NRXN3: variants seen among roughly 807,000 people sequenced by gnomAD.
The protein encoded by NRXN3 is neurexin 3.
In NRXN3, 32 loss-of-function variants were observed where a neutral mutation model predicts 137.6. That is an observed-to-expected ratio of 0.23 (90% CI 0.18 to 0.31). The LOEUF is 0.31. Among genes scored for constraint, NRXN3 ranks in the 10% least tolerant of loss-of-function variants. The probability of loss-of-function intolerance (pLI) is 1.00; values close to 1 mark genes in which losing one functional copy is unlikely to be tolerated. For synonymous variants in NRXN3, 798 were observed against 784.5 expected, an observed-to-expected ratio of 1.02 and a Z score of -0.29; for missense variants, 1,574 against 2,062.5, an observed-to-expected ratio of 0.76 and a Z score of 4.59.
intron 15 of NRXN3, among the ~76,000 whole-genome samples, chr14:79,341,798 C>G (rs1052199608): frequency 6.6e-6 from 1 of 152,126 alleles, no homozygotes; most frequent in Non-Finnish European, 1.5e-5. Flanking sequence ...AAAAGGAAGT[C>G]TGATTAAATG....
chr14:78,204,043 CT>C (rs2061952908), intron 1 of NRXN3, among the ~76,000 whole-genome samples: 1 of 151,912 alleles, frequency 6.6e-6, no homozygotes, highest in Non-Finnish European at 1.5e-5. Flanking sequence ...GTATAAAGTA[CT>C]CCATTACAGA....
In NRXN3 at chr14:78,261,225, G is replaced by C. The variant is rs1234656373; in HGVS notation, c.710-17420G>C. Among the ~76,000 whole-genome samples the C allele has an allele frequency of 3.9e-5, 6 of 152,284 alleles. No individual in the cohort carries two copies. The East Asian group carries it at 1.2e-3, about 29-fold the overall frequency. On this transcript the variant is annotated intron_variant, in intron 2 of 20. Transcript: ENST00000335750. ...CCTTGTCCTCGGCTGGCCCAGCTGGGGGGTCTCTAGCATGCAAAGACACTG... is the reference window on the plus strand; with the variant it reads ...CCTTGTCCTCGGCTGGCCCAGCTGGCGGGTCTCTAGCATGCAAAGACACTG...
chr14:79,499,608 A>C (rs2096799615), intron 16 of NRXN3, among the ~76,000 whole-genome samples: 1 of 152,212 alleles, frequency 6.6e-6, no homozygotes. Context: ...TCAGTATCCA[A>C]AACAGTGCCT....
intron 15 of NRXN3, among the ~76,000 whole-genome samples, chr14:79,124,959 C>T (rs2056138484): frequency 6.6e-6 from 1 of 152,130 alleles, no homozygotes; most frequent in East Asian, 1.9e-4. Context: ...GCTATAATTA[C>T]ATTATTCAAG....
intron 15 of NRXN3, among the ~76,000 whole-genome samples, chr14:79,429,639 A>G (rs2095713511): frequency 1.3e-5 from 2 of 152,216 alleles, no homozygotes; most frequent in African/African-American, 4.8e-5. Context: ...CGATCGCCAA[A>G]TGATAGCAGC....
At chr14:78,558,401 A>G (rs936018280) in intron 4 of NRXN3, among the ~76,000 whole-genome samples, 1 of 152,192 alleles carries the variant, frequency 6.6e-6, no homozygotes, top group African/African-American at 2.4e-5. Flanking sequence ...AAGTATCTAA[A>G]CAAAGTGTGT....
At chr14:78,296,851 C>T (rs917815732) in intron 3 of NRXN3, among the ~76,000 whole-genome samples, 7 of 151,826 alleles carry the variant, frequency 4.6e-5, no homozygotes, top group African/African-American at 1.7e-4. Flanking sequence ...CCCTATATCC[C>T]TGAATTTTGC....
At chr14:79,472,600 C>A (rs1043527761) in intron 16 of NRXN3, among the ~76,000 whole-genome samples, 8 of 152,076 alleles carry the variant, frequency 5.3e-5, no homozygotes, top group African/African-American at 1.9e-4. Context: ...GCGAGGGTGT[C>A]TTAGGGTAGA....
intron 10 of NRXN3, among the ~76,000 whole-genome samples, chr14:78,913,567 C>T (rs984973184): frequency 2.6e-5 from 4 of 151,960 alleles, no homozygotes; most frequent in Non-Finnish European, 5.9e-5. Flanking sequence ...TGTGAGCCAC[C>T]GCGGCCGGCC....
rs2099417149 is a variant in NRXN3, at chr14:79,864,593, A to AATT, written c.*2632_*2634dup. 6.6e-6 allele frequency: 1 copy of AATT among 151,678 alleles called. No individual in the cohort carries two copies. Among genetic ancestry groups the AATT allele is most frequent in the African/African-American group, 2.4e-5 (1 of 41,372 alleles). 9.4% of individuals were successfully genotyped at this position (151,678 alleles called of 1,614,324 possible). A position where few individuals can be genotyped will look rare whatever the true frequency, so the allele number is the denominator to read the frequency against. ...TATCAAAATGCCATATTTATGAGAT[A>AATT]ATTATCTGTTACTTGAGGCATTATT... On this transcript the variant is annotated 3_prime_UTR_variant, in exon 21 of 21. Coordinates refer to ENST00000335750, the MANE Select transcript of NRXN3 (RefSeq NM_001330195.2).
At chr14:79,036,980 C>T (rs1218329531) in intron 15 of NRXN3, among the ~76,000 whole-genome samples, 1 of 152,028 alleles carries the variant, frequency 6.6e-6, no homozygotes, top group African/African-American at 2.4e-5. Context: ...ATTTCAATTC[C>T]TTTTCCTAAC....
chr14:79,602,070 G>T (rs1176858122), intron 16 of NRXN3, among the ~76,000 whole-genome samples: 3 of 152,144 alleles, frequency 2.0e-5, no homozygotes, highest in African/African-American at 7.2e-5. Context: ...ACACTGATCA[G>T]GCTAAATACA....
intron 4 of NRXN3, among the ~76,000 whole-genome samples, chr14:78,631,553 T>A (rs1194383854): frequency 6.6e-6 from 1 of 152,248 alleles, no homozygotes; most frequent in Non-Finnish European, 1.5e-5. Context: ...ATGTAAATTA[T>A]CCATCACAAA....
chr14:79,358,341 C>A (rs921564231), intron 15 of NRXN3, among the ~76,000 whole-genome samples: 1 of 151,464 alleles, frequency 6.6e-6, no homozygotes, highest in Non-Finnish European at 1.5e-5. Flanking sequence ...GAGGCAGAGG[C>A]GAGCCGATCA....
intron 3 of NRXN3, among the ~76,000 whole-genome samples, chr14:78,284,720 C>A (rs895778967): frequency 6.6e-6 from 1 of 152,156 alleles, no homozygotes; most frequent in Admixed American, 6.5e-5. Context: ...TCCCCAAACA[C>A]ACCTGCTGTT....
intron 4 of NRXN3, among the ~76,000 whole-genome samples, chr14:78,322,833 C>T (rs2079549244): frequency 2.6e-5 from 4 of 151,978 alleles, no homozygotes; most frequent in Admixed American, 2.6e-4. Context: ...ATTTGAGCCT[C>T]ACACACTCTG....
At chr14:79,776,612 A>G (rs1011750969) in intron 19 of NRXN3, among the ~76,000 whole-genome samples, 2 of 152,184 alleles carry the variant, frequency 1.3e-5, no homozygotes, top group African/African-American at 2.4e-5. Flanking sequence ...TCTCTGACGT[A>G]GAGGACTGAG....
intron 4 of NRXN3, among the ~76,000 whole-genome samples, chr14:78,468,431 A>T (rs1021263480): frequency 6.6e-6 from 1 of 151,950 alleles, no homozygotes; most frequent in African/African-American, 2.4e-5. Flanking sequence ...GCTTTGCTCC[A>T]TGTGTTTTCT....
intron 15 of NRXN3, among the ~76,000 whole-genome samples, chr14:79,067,243 T>G (rs2152694241): frequency 6.6e-6 from 1 of 152,290 alleles, no homozygotes; most frequent in African/African-American, 2.4e-5. Flanking sequence ...TTGTCTTTAG[T>G]TCTGTTAATA....
Sources: allele counts gnomAD v4.1 joint callset (sites outside exome capture counted in the v4.1 genomes callset), GRCh38; gene constraint gnomAD v4.1.1; transcripts MANE v1.5; gene names NCBI Gene and HGNC (gene_info 2026-07-23, HGNC 2026-07-21).